The following STXBP5L variants were observed in gnomAD, a reference collection of about 807,000 sequenced individuals.
STXBP5L encodes syntaxin binding protein 5L.
STXBP5L carries 65 observed loss-of-function variants against 144.5 expected under a neutral mutation model. That is an observed-to-expected ratio of 0.45 (90% confidence interval 0.37 to 0.55). The LOEUF (loss-of-function observed/expected upper bound fraction) is 0.55, where lower values mean the gene tolerates loss of function less well. Ranked by LOEUF, STXBP5L falls within the 20% of genes least tolerant of loss-of-function variation. The pLI, the probability that STXBP5L is intolerant of heterozygous loss-of-function variation, is 0.00. For missense variants in STXBP5L, 1,298 were observed against 1,405.5 expected (o/e 0.92, Z 1.22); for synonymous variants, 505 against 469.6 (o/e 1.08, Z -0.97).
intron 3 of STXBP5L, among the ~76,000 whole-genome samples, chr3:121,019,012 A>T (rs553348858): frequency 6.6e-6 from 1 of 152,074 alleles, no homozygotes; most frequent in East Asian, 1.9e-4. Flanking sequence ...CGGGAAATAA[A>T]CTCTGTGCTG....
chr3:120,971,872 G>GCA (rs139155843), intron 3 of STXBP5L, among the ~76,000 whole-genome samples: 3 of 150,424 alleles, frequency 2.0e-5, no homozygotes, highest in Non-Finnish European at 4.4e-5. Flanking sequence ...ACACATGCAT[G>GCA]CACACACACA....
intron 3 of STXBP5L, among the ~76,000 whole-genome samples, chr3:120,996,127 C>T (rs1224861181): frequency 6.6e-6 from 1 of 152,010 alleles, no homozygotes; most frequent in Admixed American, 6.6e-5. Context: ...CATTCAAATT[C>T]ATTTTTATTT....
At chr3:121,190,664 T>TGGC (rs1247296921) in intron 9 of STXBP5L, among the ~76,000 whole-genome samples, 1 of 28,212 alleles carries the variant, frequency 3.5e-5, no homozygotes, top group African/African-American at 1.5e-4. Flanking sequence ...CCAGATGGGG[T>TGGC]GGCTGGCTGG....
chr3:121,082,774 GT>G (rs2042312832), intron 5 of STXBP5L, among the ~76,000 whole-genome samples: 1 of 152,118 alleles, frequency 6.6e-6, no homozygotes, highest in Non-Finnish European at 1.5e-5. Flanking sequence ...TGATTTTTCT[GT>G]TTCAGCTTGT....
chr3:121,277,455 A>G (rs956226358), intron 18 of STXBP5L, among the ~76,000 whole-genome samples: 1 of 152,026 alleles, frequency 6.6e-6, no homozygotes, highest in Non-Finnish European at 1.5e-5. Flanking sequence ...TTTAAATTTC[A>G]TATACATTTA....
chr3:121,369,685 T>C (rs555468529), intron 20 of STXBP5L, among the ~76,000 whole-genome samples: 2 of 152,324 alleles, frequency 1.3e-5, no homozygotes, highest in South Asian at 4.1e-4. Context: ...TTCTGGCTTG[T>C]AGGTTTTCTG....
rs1296345286 is a variant in STXBP5L at position 121,381,433 on chromosome 3, T to C, written c.2488T>C (p.Phe830Leu). 4 of 1,606,978 alleles carry C rather than the reference T, an allele frequency of 2.5e-6. No individual in the cohort carries two copies. Among genetic ancestry groups the C allele is most frequent in the Middle Eastern group, 1.7e-4 (1 of 6,050 alleles). The stretch of plus-strand genomic sequence containing the variant: ...TGACTCTACCATCTCTCCTTGTCTG[T>C]TCGTTGGAACCAGTCTGGGAATGGT... The part of the protein sequence containing the change: ...KNDSTISPCL[F>L]VGTSLGMVLI... The change falls in exon 22 of 27, where the codon TTC becomes CTC. Residue 830 changes from phenylalanine to leucine, a missense_variant. Coordinates refer to ENST00000471454, the MANE Select transcript of STXBP5L (RefSeq NM_001308330.2).
intron 7 of STXBP5L, among the ~76,000 whole-genome samples, chr3:121,143,730 A>T (rs1358565370): frequency 6.6e-6 from 1 of 151,884 alleles, no homozygotes. Context: ...AACAAGTGGT[A>T]TTGAGAAAAC....
chr3:121,353,400 T>C (rs2045379549), intron 20 of STXBP5L, among the ~76,000 whole-genome samples: 1 of 152,202 alleles, frequency 6.6e-6, no homozygotes, highest in Non-Finnish European at 1.5e-5. Context: ...TTTTTCCTGG[T>C]TTAGTCTTTG....
chr3:121,361,103 T>A (rs972235071), intron 20 of STXBP5L, among the ~76,000 whole-genome samples: 3 of 152,190 alleles, frequency 2.0e-5, no homozygotes, highest in African/African-American at 7.2e-5. Flanking sequence ...GCACTTTAAA[T>A]ATGTCATACT....
At chr3:121,222,650 A>G (rs2049006631) in intron 10 of STXBP5L, among the ~76,000 whole-genome samples, 2 of 152,186 alleles carry the variant, frequency 1.3e-5, no homozygotes, top group African/African-American at 4.8e-5. Context: ...GACATAGACT[A>G]ATATTCCAAT....
At chr3:121,354,568 A>T (rs1197461816) in intron 20 of STXBP5L, among the ~76,000 whole-genome samples, 4 of 45,764 alleles carry the variant, frequency 8.7e-5, no homozygotes, top group African/African-American at 9.7e-5. Flanking sequence ...CTATCCCTTT[A>T]TTTTTAGCTT....
intron 23 of STXBP5L, 131 bp from the exon 24 acceptor site, chr3:121,413,027 C>CA (rs1387621500): frequency 1.4e-5 from 11 of 796,930 alleles, no homozygotes; most frequent in Non-Finnish European, 3.5e-6. Flanking sequence ...GACTCTGTCT[C>CA]AAAAAAATAT....
At chr3:121,211,299 G>A (rs2048555929) in intron 10 of STXBP5L, among the ~76,000 whole-genome samples, 1 of 152,158 alleles carries the variant, frequency 6.6e-6, no homozygotes, top group South Asian at 2.1e-4. Flanking sequence ...CTTTGCTGAT[G>A]TTGCTTATCA....
chr3:121,002,247 A>G lies in STXBP5L; in HGVS notation c.288-39453A>G, dbSNP rs939457944. Among the ~76,000 whole-genome samples, 2 of 151,638 alleles carry G rather than the reference A, an allele frequency of 1.3e-5. 1 individual carries two copies. Among genetic ancestry groups the G allele is most frequent in the Non-Finnish European group, 2.9e-5 (2 of 67,872 alleles). On this transcript the variant is annotated intron_variant, in intron 3 of 26. Transcript: ENST00000471454. Reference sequence around the variant, plus strand: ...CTTCTCTTTGATAATAGGCATTCTAATCGATGTGAGATAATATCTCATTGT... The same window carrying G: ...CTTCTCTTTGATAATAGGCATTCTAGTCGATGTGAGATAATATCTCATTGT...
intron 3 of STXBP5L, among the ~76,000 whole-genome samples, chr3:120,984,509 A>T (rs557081757): frequency 4.7e-5 from 7 of 150,022 alleles, no homozygotes; most frequent in Non-Finnish European, 1.0e-4. Context: ...ATTAGTTCTA[A>T]CGGGATTTTT....
intron 5 of STXBP5L, among the ~76,000 whole-genome samples, chr3:121,093,043 C>T (rs376581233): frequency 2.6e-5 from 4 of 151,688 alleles, no homozygotes; most frequent in African/African-American, 4.8e-5. Flanking sequence ...GTGGTTTTTG[C>T]CTTTGGTTCT....
In STXBP5L at chr3:121,418,397, G is replaced by C; in HGVS notation, c.3287G>C (p.Gly1096Ala). 2 of 1,614,088 alleles carry C rather than the reference G, an allele frequency of 1.2e-6. No homozygotes were observed. The highest frequency in any genetic ancestry group is 1.7e-6 in the Non-Finnish European group (2 of 1,179,978). The change falls in exon 26 of 27, where the codon GGT becomes GCT. Residue 1096 changes from glycine to alanine, a missense_variant. Gly to Ala is a moderately conservative substitution (Grantham distance 60). Coordinates refer to ENST00000471454, the MANE Select transcript of STXBP5L (RefSeq NM_001308330.2). ...CTTGCGCAACACATTCCTGGACCAG[G>C]TAGTATAGAAGGGATGAAAGGCGCT... ...RSLAQHIPGPGSIEGMKGAAG... is the reference protein window; with the variant it reads ...RSLAQHIPGPASIEGMKGAAG...
intron 9 of STXBP5L, among the ~76,000 whole-genome samples, chr3:121,173,188 G>A (rs1195111358): frequency 6.6e-6 from 1 of 151,954 alleles, no homozygotes; most frequent in Non-Finnish European, 1.5e-5. Flanking sequence ...AGGGGATGGG[G>A]GGCTAGCAGA....
Sources: gnomAD v4.1 joint callset for allele counts (sites outside exome capture counted in the v4.1 genomes callset) on GRCh38, gnomAD v4.1.1 for gene constraint, MANE v1.5 for transcripts, NCBI Gene and HGNC (gene_info 2026-07-23, HGNC 2026-07-21) for gene names.